The following ADAMTS2 variants were observed in gnomAD, a reference collection of about 807,000 sequenced individuals.
ADAMTS2 encodes the protein A disintegrin and metalloproteinase with thrombospondin motifs 2.
ADAMTS2 carries 50 observed loss-of-function variants against 123.0 expected under a neutral mutation model. The observed-to-expected ratio is 0.41, with a 90% CI of 0.32 to 0.51. The LOEUF is 0.51. Among genes scored for constraint, ADAMTS2 ranks in the 20% least tolerant of loss-of-function variants. ADAMTS2 has a pLI of 0.35. For synonymous variants in ADAMTS2, 678 were observed against 695.4 expected, an observed-to-expected ratio of 0.98 and a Z score of 0.39; for missense variants, 1,494 against 1,705.2, an observed-to-expected ratio of 0.88 and a Z score of 2.18.
chr5:179,171,718 G>A (rs965080877), intron 5 of ADAMTS2, among the ~76,000 whole-genome samples: 4 of 152,192 alleles, frequency 2.6e-5, no homozygotes, highest in African/African-American at 7.2e-5. Flanking sequence ...AAAAAGGTGG[G>A]CAGAGTATGG....
chr5:179,196,063 A>G (rs1347779837), intron 4 of ADAMTS2, among the ~76,000 whole-genome samples: 1 of 152,172 alleles, frequency 6.6e-6, no homozygotes, highest in African/African-American at 2.4e-5. Context: ...CTGTCCGACC[A>G]CTGCCTTCCC....
chr5:179,155,969 C>CT lies in ADAMTS2; in HGVS notation c.1133-1051dup, dbSNP rs1763461515. Among the ~76,000 whole-genome samples the CT allele has an allele frequency of 6.6e-6, 1 of 152,182 alleles. No homozygotes were observed. Among genetic ancestry groups the CT allele is most frequent in the African/African-American group, 2.4e-5 (1 of 41,456 alleles). On this transcript the variant is annotated intron_variant, in intron 6 of 21. Transcript: ENST00000251582. The surrounding 1 kb of genome is among the most constrained non-coding windows in gnomAD (Gnocchi z 5.1). Reference sequence around the variant, plus strand: ...AGAAGCATCGTGATCTAACCCTTGTCTTTTCCCGTTGTAATAAACAGGAAA... The same window carrying CT: ...AGAAGCATCGTGATCTAACCCTTGTCTTTTTCCCGTTGTAATAAACAGGAAA...
rs561412465 is a variant in ADAMTS2 at position 179,133,219 on chromosome 5, G to A, written c.2086-319C>T. Among the ~76,000 whole-genome samples, 7 of 152,282 alleles carry A rather than the reference G, an allele frequency of 4.6e-5. No homozygotes were observed. The East Asian group carries it at 7.7e-4, about 17-fold the overall frequency. On this transcript the variant is annotated intron_variant, in intron 13 of 21. Coordinates refer to ENST00000251582, the MANE Select transcript of ADAMTS2 (RefSeq NM_014244.5). Reference sequence around the variant, plus strand: ...ACTCATCGAGGCCCAGGCAGGCACCGTCCCTGGCTTGATGAACATTTATGT... The same window carrying A: ...ACTCATCGAGGCCCAGGCAGGCACCATCCCTGGCTTGATGAACATTTATGT...
chr5:179,334,002 C>T (rs948761350), intron 2 of ADAMTS2, among the ~76,000 whole-genome samples: 2 of 152,202 alleles, frequency 1.3e-5, no homozygotes, highest in Non-Finnish European at 2.9e-5. Flanking sequence ...ACTCTGCAGA[C>T]AGTGCCACCA....
At chr5:179,218,508 T>C (rs1351120028) in intron 3 of ADAMTS2, among the ~76,000 whole-genome samples, 1 of 152,230 alleles carries the variant, frequency 6.6e-6, no homozygotes, top group Non-Finnish European at 1.5e-5. Flanking sequence ...TGGTGTACTT[T>C]ATTAAAAGAT....
At chr5:179,293,023 G>C (rs962586034) in intron 2 of ADAMTS2, among the ~76,000 whole-genome samples, 3 of 152,178 alleles carry the variant, frequency 2.0e-5, no homozygotes, top group African/African-American at 7.2e-5. Flanking sequence ...TCTGTTGTTG[G>C]GGGGAGAGGG....
At chr5:179,306,004 A>T (rs577709518) in intron 2 of ADAMTS2, among the ~76,000 whole-genome samples, 52 of 152,276 alleles carry the variant, frequency 3.4e-4, no homozygotes, top group African/African-American at 1.2e-3. Flanking sequence ...GCAAAAAAGA[A>T]ATTTCCAGGT....
chr5:179,126,115 T>C lies in ADAMTS2; in HGVS notation c.2633A>G (p.Lys878Arg), dbSNP rs374211371. ...GTCCAGCCTCCGGCGGCAGCCATACTTGGTGAACTGGGACCCTGAAGGCAG... is the reference window on the plus strand; with the variant it reads ...GTCCAGCCTCCGGCGGCAGCCATACCTGGTGAACTGGGACCCTGAAGGCAG... ...KPCGGGSQFTKYGCRRRLDHK... is the reference protein window; with the variant it reads ...KPCGGGSQFTRYGCRRRLDHK... The change falls in exon 18 of 22, where the codon AAG (lysine) becomes AGG (arginine). Residue 878 changes from lysine to arginine, a missense_variant. Lys to Arg is a conservative substitution (Grantham distance 26). Around this residue, in one of 6 missense-constraint regions of ADAMTS2, gnomAD observed 953 missense variants for 1,124.7 expected, o/e 0.85. Transcript: ENST00000251582. 22 of 1,613,164 alleles carry C rather than the reference T, an allele frequency of 1.4e-5. No homozygotes were observed. In the African/African-American group the frequency reaches 1.7e-4, roughly 13 times the overall value.
intron 2 of ADAMTS2, among the ~76,000 whole-genome samples, chr5:179,340,970 G>A (rs1198436214): frequency 6.6e-6 from 1 of 152,180 alleles, no homozygotes; most frequent in African/African-American, 2.4e-5. Flanking sequence ...TTGTGCAAAG[G>A]GACATTTTGC....
chr5:179,309,592 C>T (rs1205226275), intron 2 of ADAMTS2, among the ~76,000 whole-genome samples: 2 of 151,964 alleles, frequency 1.3e-5, no homozygotes, highest in Admixed American at 6.6e-5. Context: ...CCTGTCTGTA[C>T]TAAAAATACA....
intron 5 of ADAMTS2, among the ~76,000 whole-genome samples, chr5:179,167,684 G>A (rs990055080): frequency 1.3e-5 from 2 of 152,210 alleles, no homozygotes; most frequent in Non-Finnish European, 2.9e-5. Context: ...GCAGGTGGCA[G>A]GTGAGGTCAC....
chr5:179,282,022 C>T (rs1766926567), intron 2 of ADAMTS2, among the ~76,000 whole-genome samples: 1 of 152,136 alleles, frequency 6.6e-6, no homozygotes, highest in South Asian at 2.1e-4. Flanking sequence ...TGTAAGAGCT[C>T]TTTATATATT....
chr5:179,134,564 T>A (rs1373981770), intron 13 of ADAMTS2, among the ~76,000 whole-genome samples: 1 of 152,182 alleles, frequency 6.6e-6, no homozygotes, highest in African/African-American at 2.4e-5. Context: ...CCTCACTGGG[T>A]CACCTCCATA....
chr5:179,299,869 C>T (rs6869201), intron 2 of ADAMTS2, among the ~76,000 whole-genome samples: 1,846 of 151,576 alleles, frequency 0.012, 33 homozygotes, highest in African/African-American at 0.042. Flanking sequence ...CTGAGGCGGG[C>T]GGATCACAAG....
chr5:179,195,211 C>T (rs1764397900), intron 4 of ADAMTS2, among the ~76,000 whole-genome samples: 1 of 152,218 alleles, frequency 6.6e-6, no homozygotes, highest in Non-Finnish European at 1.5e-5. Flanking sequence ...CCGAACATGA[C>T]TGAGGACAGC....
intron 5 of ADAMTS2, among the ~76,000 whole-genome samples, chr5:179,171,245 G>T (rs1763808751): frequency 6.6e-6 from 1 of 152,084 alleles, no homozygotes; most frequent in South Asian, 2.1e-4. Flanking sequence ...TCCCAGGATG[G>T]CCTCTCCCCT....
intron 2 of ADAMTS2, among the ~76,000 whole-genome samples, chr5:179,315,761 G>A (rs1756973795): frequency 6.6e-6 from 1 of 152,196 alleles, no homozygotes; most frequent in African/African-American, 2.4e-5. Flanking sequence ...CTGGAGAGAG[G>A]GCTTGGTGGC....
At chr5:179,124,729 G>T (rs930717145) in intron 19 of ADAMTS2, among the ~76,000 whole-genome samples, 1 of 152,236 alleles carries the variant, frequency 6.6e-6, no homozygotes, top group African/African-American at 2.4e-5. Flanking sequence ...GCTCAGTTTG[G>T]GAGCTGAGGA....
At chr5:179,193,330 C>T (rs1041096082) in intron 4 of ADAMTS2, among the ~76,000 whole-genome samples, 28 of 152,324 alleles carry the variant, frequency 1.8e-4, no homozygotes, top group African/African-American at 6.7e-4. Flanking sequence ...AGTACTTCCC[C>T]GCGTGCGATA....
Sources: gnomAD v4.1 joint callset for allele counts (sites outside exome capture counted in the v4.1 genomes callset) on GRCh38, gnomAD v4.1.1 for gene constraint, gnomAD v4.1.1 regional missense constraint, Gnocchi (gnomAD v3.1) non-coding constraint, MANE v1.5 for transcripts, NCBI Gene and HGNC (gene_info 2026-07-23, HGNC 2026-07-21) for gene names.